MRPS18C: variants seen among roughly 807,000 people sequenced by gnomAD.
The protein encoded by MRPS18C is mitochondrial ribosomal protein S18C.
In MRPS18C, 21 loss-of-function variants were observed where a neutral mutation model predicts 21.0. That is an observed-to-expected ratio of 1.00 (90% confidence interval 0.71 to 1.44). The LOEUF is 1.44. Ranked by LOEUF, MRPS18C falls within the 40% of genes most tolerant of loss-of-function variation. The pLI is 0.00. For missense variants in MRPS18C, 152 were observed against 171.5 expected (o/e 0.89, Z 0.64); for synonymous variants, 65 against 54.3 (o/e 1.20, Z -0.87).
rs1446473381 is a variant in MRPS18C, at chr4:83,456,130, A to C, written c.53A>C (p.His18Pro). The C allele has an allele frequency of 1.5e-5, 24 of 1,613,406 alleles. No homozygotes were observed. The highest frequency in any genetic ancestry group is 2.0e-5 in the Non-Finnish European group (24 of 1,180,034). Reference protein sequence around the residue: ...CGGLGRKKLTHLVTAAVSLTH... With the variant: ...CGGLGRKKLTPLVTAAVSLTH... ...GGTCTAGGGAGGAAGAAGTTGACAC[A>C]CTTGGTAACGGCTGCTGTCAGCCTT... Residue 18 changes from histidine to proline, a missense_variant, in exon 1 of 6, where the codon CAC becomes CCC. His to Pro is a moderately conservative substitution (Grantham distance 77). Around this residue, in one of 2 missense-constraint regions of MRPS18C, gnomAD observed 118 missense variants for 104.4 expected, o/e 1.13. Transcript: ENST00000295491.
rs1721855295 is a variant in MRPS18C at position 83,456,901 on chromosome 4, A to T, written c.101-8A>T. Reference sequence around the variant, plus strand: ...AAATGGTTAATTGCTGTTTCTGTTTAATCGCAGTGCTTTGGAGAAGAGGTT... The same window carrying T: ...AAATGGTTAATTGCTGTTTCTGTTTTATCGCAGTGCTTTGGAGAAGAGGTT... On this transcript the variant is annotated splice_polypyrimidine_tract_variant and splice_region_variant and intron_variant, in intron 1 of 5. Coordinates refer to ENST00000295491, the MANE Select transcript of MRPS18C (RefSeq NM_016067.4). 1 of 1,610,570 alleles carries T rather than the reference A, an allele frequency of 6.2e-7. No individual in the cohort carries two copies.
At position 83,461,938 on chromosome 4, in the gene MRPS18C, T is replaced by G; in HGVS notation, c.*741T>G. 1 of 229,854 alleles carries G rather than the reference T, an allele frequency of 4.4e-6. No individual in the cohort carries two copies. The highest frequency in any genetic ancestry group is 8.6e-6 in the Non-Finnish European group (1 of 115,998). 14.2% of individuals were successfully genotyped at this position (229,854 alleles called of 1,614,324 possible). Reference sequence around the variant, plus strand: ...TTATTGCATGATATCCAGCATTTTATCTGGCAACTCTAGCCATAATGTACT... The same window carrying G: ...TTATTGCATGATATCCAGCATTTTAGCTGGCAACTCTAGCCATAATGTACT... On this transcript the variant is annotated 3_prime_UTR_variant, in exon 6 of 6. Coordinates refer to ENST00000295491, the MANE Select transcript of MRPS18C (RefSeq NM_016067.4).
rs1722101131 is a variant in MRPS18C, at chr4:83,461,244, G to C, written c.*47G>C. The C allele has an allele frequency of 7.1e-6, 11 of 1,552,856 alleles. No individual in the cohort carries two copies. Among genetic ancestry groups the C allele is most frequent in the Non-Finnish European group, 9.8e-6 (11 of 1,127,088 alleles). On this transcript the variant is annotated 3_prime_UTR_variant, in exon 6 of 6. Coordinates refer to ENST00000295491, the MANE Select transcript of MRPS18C (RefSeq NM_016067.4). ...TAAACTTATTTTACAGTAAGTGGTT[G>C]TATGATGCCAATACTGACTCAAACC...
At chr4:83,460,771 C>T (rs1406750005) in intron 4 of MRPS18C, 9 of 516,294 alleles carry the variant, frequency 1.7e-5, no homozygotes, top group Non-Finnish European at 2.4e-5. Context: ...CCGGGTGTGG[C>T]GGTGCATGCC....
chr4:83,460,025 C>T (rs944192309), intron 4 of MRPS18C: 1 of 385,976 alleles, frequency 2.6e-6, no homozygotes, highest in East Asian at 4.6e-5. Context: ...CTTTAAAAAA[C>T]TGTTGTTGAT....
intron 3 of MRPS18C, 82 bp downstream of exon 3, chr4:83,458,511 C>A: frequency 1.8e-6 from 2 of 1,102,048 alleles, no homozygotes; most frequent in South Asian, 1.5e-5. Flanking sequence ...CAGTTTATAG[C>A]AGGCTTTTGT....
At chr4:83,459,478 T>G in intron 3 of MRPS18C, 1 of 334,932 alleles carries the variant, frequency 3.0e-6, no homozygotes, top group East Asian at 6.2e-5. Context: ...GAAAGGTATC[T>G]GTGGAAGTCA....
chr4:83,461,480 T>C lies in MRPS18C; in HGVS notation c.*283T>C. On this transcript the variant is annotated 3_prime_UTR_variant, in exon 6 of 6. Coordinates refer to ENST00000295491, the MANE Select transcript of MRPS18C (RefSeq NM_016067.4). ...CCATTCAATAGAATGGAATTAAAAC[T>C]GTTCAGAATGATTTTCCAACTAGCA... is the stretch of plus-strand genomic sequence containing the variant. 1 of 354,316 alleles carries C rather than the reference T, an allele frequency of 2.8e-6. No individual in the cohort carries two copies. The highest frequency in any genetic ancestry group is 5.3e-6 in the Non-Finnish European group (1 of 189,718). 21.9% of individuals were successfully genotyped at this position (354,316 alleles called of 1,614,324 possible).
intron 1 of MRPS18C, 58 bp downstream of exon 1, chr4:83,456,235 A>G: frequency 6.9e-7 from 1 of 1,451,990 alleles, no homozygotes; most frequent in South Asian, 1.1e-5. Flanking sequence ...CCTTAGTCCT[A>G]ATGGTTAGAG....
intron 2 of MRPS18C, chr4:83,457,205 A>C (rs1423242790): frequency 8.1e-6 from 3 of 369,760 alleles, no homozygotes; most frequent in African/African-American, 4.2e-5. Flanking sequence ...AGCTGCTATA[A>C]TACCATATTT....
chr4:83,459,220 A>T (rs1362339504), intron 3 of MRPS18C: 1 of 94,298 alleles, frequency 1.1e-5, no homozygotes, highest in African/African-American at 6.3e-5. Context: ...TTGAGGAAGA[A>T]CCAAGAATTA....
Position 83,462,110 on chromosome 4 carries a change from C to T in MRPS18C, c.*913C>T. 1 of 247,500 alleles carries T rather than the reference C, an allele frequency of 4.0e-6. No individual in the cohort carries two copies. Among genetic ancestry groups the T allele is most frequent in the Non-Finnish European group, 7.8e-6 (1 of 128,446 alleles). 15.3% of individuals were successfully genotyped at this position (247,500 alleles called of 1,614,324 possible). On this transcript the variant is annotated 3_prime_UTR_variant, in exon 6 of 6. Transcript: ENST00000295491. ...GTCTCAATACGTTGCCCAGGCTGGTCTCTAACTCCTAACTTCAATCAATCC... is the reference window on the plus strand; with the variant it reads ...GTCTCAATACGTTGCCCAGGCTGGTTTCTAACTCCTAACTTCAATCAATCC...
rs1436527384 is a variant in MRPS18C at position 83,461,752 on chromosome 4, G to A, written c.*555G>A. 2 of 229,098 alleles carry A rather than the reference G, an allele frequency of 8.7e-6. No homozygotes were observed. Among genetic ancestry groups the A allele is most frequent in the Non-Finnish European group, 1.7e-5 (2 of 115,578 alleles). 14.2% of individuals were successfully genotyped at this position (229,098 alleles called of 1,614,324 possible). ...TACACTGGATTACCAGGCTTGTACTGTATTCAAAATGATAGATTTGCTAAA... is the reference window on the plus strand; with the variant it reads ...TACACTGGATTACCAGGCTTGTACTATATTCAAAATGATAGATTTGCTAAA... On this transcript the variant is annotated 3_prime_UTR_variant, in exon 6 of 6. Coordinates refer to ENST00000295491, the MANE Select transcript of MRPS18C (RefSeq NM_016067.4).
intron 1 of MRPS18C, among the ~76,000 whole-genome samples, 160 bp from the exon 2 acceptor site, chr4:83,456,747 ACT>A (rs1281206739): frequency 6.6e-6 from 1 of 152,170 alleles, no homozygotes; most frequent in Non-Finnish European, 1.5e-5. Flanking sequence ...GTTGAGTCTT[ACT>A]CTGTCCCAAA....
Position 83,461,224 on chromosome 4 carries a change from T to G in MRPS18C, c.*27T>G. On this transcript the variant is annotated 3_prime_UTR_variant, in exon 6 of 6. Coordinates refer to ENST00000295491, the MANE Select transcript of MRPS18C (RefSeq NM_016067.4). ...TTCTATCACGTTACCACTAATAAAC[T>G]TATTTTACAGTAAGTGGTTGTATGA... The G allele has an allele frequency of 6.3e-7, 1 of 1,596,276 alleles. No individual in the cohort carries two copies. Among genetic ancestry groups the G allele is most frequent in the Non-Finnish European group, 8.6e-7 (1 of 1,165,914 alleles).
intron 4 of MRPS18C, 46 bp from the exon 5 acceptor site, chr4:83,460,927 T>C (rs748866658): frequency 6.4e-7 from 1 of 1,561,190 alleles, no homozygotes; most frequent in South Asian, 1.2e-5. Context: ...TTGCAAACTT[T>C]AAATATTGAC....
At position 83,462,083 on chromosome 4, in the gene MRPS18C, T is replaced by C. The variant is rs954860323; in HGVS notation, c.*886T>C. The C allele has an allele frequency of 8.5e-6, 2 of 235,388 alleles. No homozygotes were observed. The highest frequency in any genetic ancestry group is 4.4e-5 in the African/African-American group (2 of 45,406). 14.6% of individuals were successfully genotyped at this position (235,388 alleles called of 1,614,324 possible). On this transcript the variant is annotated 3_prime_UTR_variant, in exon 6 of 6. Transcript: ENST00000295491. ...TTTCCATTTTATTTTTTAATAGACA[T>C]GGTCTCAATACGTTGCCCAGGCTGG...
At chr4:83,461,080 C>T (rs1722088163) in intron 5 of MRPS18C, 41 bp from the exon 6 acceptor site, 3 of 1,612,110 alleles carry the variant, frequency 1.9e-6, no homozygotes, top group Non-Finnish European at 2.5e-6. Context: ...TGAAATTTTG[C>T]TCATTATGTT....
At chr4:83,456,332 TTA>T (rs1434693690) in intron 1 of MRPS18C, among the ~76,000 whole-genome samples, 155 bp downstream of exon 1, 1 of 152,140 alleles carries the variant, frequency 6.6e-6, no homozygotes, top group Non-Finnish European at 1.5e-5. Flanking sequence ...TTTGACTGTT[TTA>T]GTGTCGTCTA....
Sources: gnomAD v4.1 joint callset for allele counts (sites outside exome capture counted in the v4.1 genomes callset) on GRCh38, gnomAD v4.1.1 for gene constraint, gnomAD v4.1.1 regional missense constraint, MANE v1.5 for transcripts, NCBI Gene and HGNC (gene_info 2026-07-23, HGNC 2026-07-21) for gene names.